The following TRAF1 variants were observed in gnomAD, a reference collection of about 807,000 sequenced individuals.
The protein encoded by TRAF1 is TNF receptor-associated factor 1.
In TRAF1, 23 loss-of-function variants were observed where a neutral mutation model predicts 40.9. The observed-to-expected ratio is 0.56, with a 90% CI of 0.40 to 0.80. TRAF1 has a LOEUF of 0.80. TRAF1 is among the 30% of genes least tolerant of loss of function. The pLI, the probability that TRAF1 is intolerant of heterozygous loss-of-function variation, is 0.00. For missense variants in TRAF1, 477 were observed against 528.7 expected (o/e 0.90, Z 0.96); for synonymous variants, 206 against 218.8 (o/e 0.94, Z 0.52).
At chr9:120,923,626 G>T in intron 3 of TRAF1, 79 bp downstream of exon 3, 1 of 1,379,484 alleles carries the variant, frequency 7.2e-7, no homozygotes, top group Non-Finnish European at 1.0e-6. Flanking sequence ...CAGGGGTGGA[G>T]TGGGCAGCTG....
At chr9:120,922,884 C>A (rs2046614112) in intron 3 of TRAF1, among the ~76,000 whole-genome samples, 1 of 152,154 alleles carries the variant, frequency 6.6e-6, no homozygotes, top group Non-Finnish European at 1.5e-5. Context: ...GCTACCCAGG[C>A]TGGAGTGTAG....
In TRAF1 at chr9:120,911,530, T is replaced by C. The variant is rs2046527444; in HGVS notation, c.706-17A>G. 1.2e-6 allele frequency: 2 copies of C among 1,601,392 alleles called. No individual in the cohort carries two copies. Among genetic ancestry groups the C allele is most frequent in the African/African-American group, 2.7e-5 (2 of 74,708 alleles). ...CTCCACCACCTGTAGGGAAGACTGT[T>C]CAGCCAGGAACACCAGAACCCGGCT... On this transcript the variant is annotated splice_polypyrimidine_tract_variant and intron_variant, in intron 5 of 7. Transcript: ENST00000373887.
chr9:120,913,999 G>T (rs1010049928), intron 4 of TRAF1, among the ~76,000 whole-genome samples: 3 of 152,288 alleles, frequency 2.0e-5, no homozygotes, highest in East Asian at 3.9e-4. Context: ...GGCATTGGGG[G>T]TGGGGGTCAT....
intron 5 of TRAF1, among the ~76,000 whole-genome samples, chr9:120,912,841 T>C (rs1442858287): frequency 6.6e-6 from 1 of 152,188 alleles, no homozygotes; most frequent in African/African-American, 2.4e-5. Context: ...TGAAGCAGCA[T>C]GCTCTGAGGA....
chr9:120,907,127 G>A (rs2046489334), intron 7 of TRAF1, among the ~76,000 whole-genome samples: 1 of 152,210 alleles, frequency 6.6e-6, no homozygotes. Context: ...CTCCCAAAGT[G>A]CTGATATTAC....
upstream of TRAF1, chr9:120,928,550 C>A (rs943170981): frequency 6.6e-6 from 1 of 152,376 alleles, no homozygotes; most frequent in Non-Finnish European, 1.5e-5. Context: ...GCTCCTTATC[C>A]GTCTCCTTGA....
intron 4 of TRAF1, 144 bp from the exon 5 acceptor site, chr9:120,913,882 C>G: frequency 1.1e-6 from 1 of 945,990 alleles, no homozygotes; most frequent in Non-Finnish European, 1.5e-6. Flanking sequence ...GGGAGGGATT[C>G]AGAGGAAGAC....
At chr9:120,923,571 A>G (rs970880333) in intron 3 of TRAF1, 134 bp downstream of exon 3, 7 of 785,966 alleles carry the variant, frequency 8.9e-6, no homozygotes, top group Non-Finnish European at 1.3e-5. Context: ...TATTCCTTAT[A>G]AAGCAAATTC....
intron 3 of TRAF1, among the ~76,000 whole-genome samples, chr9:120,923,099 A>C (rs2131634193): frequency 6.6e-6 from 1 of 152,318 alleles, no homozygotes; most frequent in East Asian, 1.9e-4. Flanking sequence ...TCGGCCTCCC[A>C]AAGTGTTAGA....
In TRAF1 at chr9:120,909,260, A is replaced by G. The variant is rs1280356418; in HGVS notation, c.1002T>C (p.Asp334=). The G allele has an allele frequency of 3.7e-6, 6 of 1,614,026 alleles. No individual in the cohort carries two copies. The highest frequency in any genetic ancestry group is 5.1e-6 in the Non-Finnish European group (6 of 1,180,044). The change falls in exon 7 of 8, where the codon GAT becomes GAC. Residue 334 remains aspartate, a synonymous_variant. Coordinates refer to ENST00000373887, the MANE Select transcript of TRAF1 (RefSeq NM_005658.5). Reference sequence around the variant, plus strand: ...TCCGGAAGGGCCACGGCAGCAGCGCATCATACTCCCCTCTCATGATCACGA... The same window carrying G: ...TCCGGAAGGGCCACGGCAGCAGCGCGTCATACTCCCCTCTCATGATCACGA... ...LFIVIMRGEY[D]ALLPWPFRNK... is the part of the protein sequence containing the mutation.
chr9:120,928,052 C>T (rs2046652473), upstream of TRAF1: 1 of 152,222 alleles, frequency 6.6e-6, no homozygotes, highest in Non-Finnish European at 1.5e-5. Flanking sequence ...AATAGTACTA[C>T]TTTTGGGTAC....
intron 3 of TRAF1, 109 bp from the exon 4 acceptor site, chr9:120,914,409 T>C (rs910000450): frequency 1.6e-6 from 2 of 1,278,294 alleles, no homozygotes; most frequent in African/African-American, 1.5e-5. Context: ...TTGGGCCACA[T>C]GACTTTGCAC....
chr9:120,914,165 CT>C, intron 4 of TRAF1, 69 bp downstream of exon 4: 1 of 1,300,622 alleles, frequency 7.7e-7, no homozygotes, highest in East Asian at 2.6e-5. Flanking sequence ...CATGGAGGGG[CT>C]GCAGTGGGGA....
In TRAF1 at chr9:120,911,495, TC is replaced by T. The variant is rs2046527018; in HGVS notation, c.723del (p.Thr242ProfsTer70). 3 of 1,612,118 alleles carry T rather than the reference TC, an allele frequency of 1.9e-6. No homozygotes were observed. Among genetic ancestry groups the T allele is most frequent in the South Asian group, 2.2e-5 (2 of 91,082 alleles). On this transcript the variant is annotated frameshift_variant, in exon 6 of 8. Transcript: ENST00000373887. LOFTEE classifies it high-confidence loss of function. ...AGGGCCTGGTCTTTCTGGGCCAGGG[TC>T]TGCTGAAGCTCCACCACCTGTAGGG... ...SLEQRVVELQ[Q>X]TLAQKDQALG...
At chr9:120,914,693 T>A in intron 3 of TRAF1, 1 of 498,090 alleles carries the variant, frequency 2.0e-6, no homozygotes, top group Non-Finnish European at 2.6e-6. Flanking sequence ...ACTGCATGAG[T>A]AAATGCCTCC....
chr9:120,921,735 A>T (rs117301912), intron 3 of TRAF1, among the ~76,000 whole-genome samples: 60 of 152,270 alleles, frequency 3.9e-4, no homozygotes, highest in Non-Finnish European at 7.5e-4. Flanking sequence ...GGGCCTGCCG[A>T]TGGAGAGGTT....
rs2046524568 is a variant in TRAF1 at position 120,911,316 on chromosome 9, G to C, written c.883+20C>G. On this transcript the variant is annotated intron_variant, in intron 6 of 7. Coordinates refer to ENST00000373887, the MANE Select transcript of TRAF1 (RefSeq NM_005658.5). Reference sequence around the variant, plus strand: ...GGCCTGTTTCCCCAGGCAGGTCTCTGTGCCCCTGGGAGGTGTTACCTGGGG... The same window carrying C: ...GGCCTGTTTCCCCAGGCAGGTCTCTCTGCCCCTGGGAGGTGTTACCTGGGG... 6.2e-7 allele frequency: 1 copy of C among 1,608,106 alleles called. No individual in the cohort carries two copies. Among genetic ancestry groups the C allele is most frequent in the Non-Finnish European group, 8.5e-7 (1 of 1,176,066 alleles).
rs772750247 is a variant in TRAF1 at position 120,926,076 on chromosome 9, C to T, written c.-1G>A. 4 of 1,583,494 alleles carry T rather than the reference C, an allele frequency of 2.5e-6. No individual in the cohort carries two copies. The highest frequency in any genetic ancestry group is 3.4e-6 in the Non-Finnish European group (4 of 1,165,176). On this transcript the variant is annotated 5_prime_UTR_variant, in exon 2 of 8. Coordinates refer to ENST00000373887, the MANE Select transcript of TRAF1 (RefSeq NM_005658.5). ...GACTGCTGCCTGAGCTGGAGGCCATCTCAGGGTTCCAGGCTGGCCAGAGGG... is the reference window on the plus strand; with the variant it reads ...GACTGCTGCCTGAGCTGGAGGCCATTTCAGGGTTCCAGGCTGGCCAGAGGG...
chr9:120,919,276 A>T (rs1355875094), intron 3 of TRAF1, among the ~76,000 whole-genome samples: 7 of 152,222 alleles, frequency 4.6e-5, no homozygotes, highest in African/African-American at 1.7e-4. Flanking sequence ...AAACAGAGAA[A>T]ACAGATTCCC....
Sources: allele counts gnomAD v4.1 joint callset (sites outside exome capture counted in the v4.1 genomes callset), GRCh38; gene constraint gnomAD v4.1.1; transcripts MANE v1.5; gene names NCBI Gene and HGNC (gene_info 2026-07-23, HGNC 2026-07-21).